The following FRMD4B variants were observed in gnomAD, a reference collection of about 807,000 sequenced individuals.
FRMD4B encodes FERM domain containing 4B.
FRMD4B carries 74 observed loss-of-function variants against 141.5 expected under a neutral mutation model. The ratio of observed to expected loss-of-function variants is 0.52; its 90% CI spans 0.43 to 0.63. The LOEUF (loss-of-function observed/expected upper bound fraction) is 0.63, where lower values mean the gene tolerates loss of function less well. Among genes scored for constraint, FRMD4B ranks in the 30% least tolerant of loss-of-function variants. FRMD4B has a pLI of 0.00. For missense variants in FRMD4B, 1,366 were observed against 1,253.4 expected, an observed-to-expected ratio of 1.09 and a Z score of -1.36; for synonymous variants, 506 against 467.9, an observed-to-expected ratio of 1.08 and a Z score of -1.05.
At position 69,268,746 on chromosome 3, in the gene FRMD4B, G is replaced by A. The variant is rs144449174; in HGVS notation, c.502-18647C>T. ...CCTGGTAAAGTAGGTATCCTATCTG[G>A]CTGTTTTGCATGAATAAATATGCAG... On this transcript the variant is annotated intron_variant, in intron 5 of 22. Transcript: ENST00000398540. Among the ~76,000 whole-genome samples the A allele has an allele frequency of 3.9e-3, 597 of 151,894 alleles. 14 individuals carry two copies. Among genetic ancestry groups the A allele is most frequent in the African/African-American group, 0.014 (577 of 41,234 alleles).
intron 2 of FRMD4B, among the ~76,000 whole-genome samples, chr3:69,415,342 A>G (rs1257562501): frequency 6.6e-6 from 1 of 152,182 alleles, no homozygotes; most frequent in Non-Finnish European, 1.5e-5. Flanking sequence ...ACAAGATACT[A>G]TGGATTGGGG....
At chr3:69,248,459 G>A (rs2093439884) in intron 7 of FRMD4B, among the ~76,000 whole-genome samples, 2 of 152,190 alleles carry the variant, frequency 1.3e-5, no homozygotes, top group Non-Finnish European at 2.9e-5. Context: ...TTGTTAGTCC[G>A]TTAAGGGGCA....
At chr3:69,356,878 G>A (rs990672794) in intron 1 of FRMD4B, among the ~76,000 whole-genome samples, 1 of 152,072 alleles carries the variant, frequency 6.6e-6, no homozygotes, top group African/African-American at 2.4e-5. Context: ...CATTGAACCT[G>A]AAGTCATTCC....
intron 5 of FRMD4B, among the ~76,000 whole-genome samples, chr3:69,267,169 C>T (rs2093566259): frequency 6.6e-6 from 1 of 152,194 alleles, no homozygotes; most frequent in Non-Finnish European, 1.5e-5. Context: ...TCATGTCCAA[C>T]ATGACATGTG....
chr3:69,385,849 G>A lies in FRMD4B; in HGVS notation c.141C>T (p.Cys47=). The change falls in exon 1 of 23, where the codon TGC becomes TGT. Residue 47 remains cysteine (C), a synonymous_variant. Transcript: ENST00000398540. ...TCACCTGGTACACGTCCTGCAGCCCGCACCACGTCCGCAGCACCTGGTGGC... is the reference window on the plus strand; with the variant it reads ...TCACCTGGTACACGTCCTGCAGCCCACACCACGTCCGCAGCACCTGGTGGC... The part of the protein sequence containing the change: ...RACHQVLRTW[C]GLQDVYQMTE... 2 of 1,592,148 alleles carry A rather than the reference G, an allele frequency of 1.3e-6. No homozygotes were observed. The highest frequency in any genetic ancestry group is 1.2e-5 in the South Asian group (1 of 86,826).
At chr3:69,527,384 T>G (rs764661539) in intron 1 of FRMD4B, among the ~76,000 whole-genome samples, 1 of 152,016 alleles carries the variant, frequency 6.6e-6, no homozygotes, top group African/African-American at 2.4e-5. Context: ...TCTTGGTGAG[T>G]GAGTGGAGGT....
intron 1 of FRMD4B, among the ~76,000 whole-genome samples, chr3:69,499,635 G>C (rs984802422): frequency 3.0e-4 from 46 of 152,160 alleles, no homozygotes; most frequent in African/African-American, 1.1e-3. Context: ...GTTCTGGTGA[G>C]GAATTCTCTC....
chr3:69,233,015 G>A (rs1404017854), intron 7 of FRMD4B, among the ~76,000 whole-genome samples: 3 of 149,158 alleles, frequency 2.0e-5, no homozygotes, highest in African/African-American at 7.4e-5. Flanking sequence ...GCTTCTCAAA[G>A]TACTGGGATT....
At chr3:69,451,495 C>A (rs1369441329) in intron 1 of FRMD4B, among the ~76,000 whole-genome samples, 2 of 152,138 alleles carry the variant, frequency 1.3e-5, no homozygotes, top group Admixed American at 6.5e-5. Flanking sequence ...ATGGTGCTGT[C>A]CTCCCTGGTC....
intron 2 of FRMD4B, among the ~76,000 whole-genome samples, chr3:69,394,100 A>C (rs1704434673): frequency 6.6e-6 from 1 of 152,242 alleles, no homozygotes; most frequent in African/African-American, 2.4e-5. Context: ...GGCCTAAACA[A>C]CAGAAATTTA....
intron 1 of FRMD4B, among the ~76,000 whole-genome samples, chr3:69,540,829 G>A (rs1701171662): frequency 6.6e-6 from 1 of 151,430 alleles, no homozygotes; most frequent in South Asian, 2.1e-4. Flanking sequence ...ATTACTGGTG[G>A]GACTTCCGGT....
At position 69,437,635 on chromosome 3, in the gene FRMD4B, CTA is replaced by C. The variant is rs935293885; in HGVS notation, c.-128-4876_-128-4875del. Among the ~76,000 whole-genome samples the C allele has an allele frequency of 1.2e-4, 16 of 132,110 alleles. 1 individual carries two copies. Among genetic ancestry groups the C allele is most frequent in the South Asian group, 4.6e-4 (2 of 4,380 alleles). 86.7% of individuals were successfully genotyped at this position (132,110 alleles called of 152,430 possible). ...TATATATACTATATAAATATATATACTATATATATACAGAGAAAGTTTGTATA... is the reference window on the plus strand; with the variant it reads ...TATATATACTATATAAATATATATACTATATATACAGAGAAAGTTTGTATA... On this transcript the variant is annotated intron_variant, in intron 1 of 5. Transcript: ENST00000459638.
chr3:69,534,343 A>C (rs1019483161), intron 1 of FRMD4B, among the ~76,000 whole-genome samples: 1 of 152,102 alleles, frequency 6.6e-6, no homozygotes, highest in African/African-American at 2.4e-5. Context: ...GTCTAGGTGA[A>C]TTTTTTTTCT....
At chr3:69,191,134 T>A (rs1030173206) in intron 17 of FRMD4B, among the ~76,000 whole-genome samples, 1 of 152,190 alleles carries the variant, frequency 6.6e-6, no homozygotes, top group Admixed American at 6.5e-5. Context: ...TGTTAAATAA[T>A]GTGGCCAGGC....
At chr3:69,229,027 T>TG (rs1453247666) in intron 7 of FRMD4B, among the ~76,000 whole-genome samples, 44 of 149,942 alleles carry the variant, frequency 2.9e-4, no homozygotes, top group South Asian at 2.1e-4. Context: ...TTTTTTTTTT[T>TG]TTTTTGTTTT....
chr3:69,540,636 A>AATATATATATATAT (rs1553652110), intron 1 of FRMD4B, among the ~76,000 whole-genome samples: 1 of 69,540 alleles, frequency 1.4e-5, no homozygotes. Context: ...AAAAAAAAAA[A>AATATATATATATAT]ATATATATAT....
intron 1 of FRMD4B, among the ~76,000 whole-genome samples, chr3:69,502,119 T>C (rs1432028030): frequency 6.6e-6 from 1 of 152,138 alleles, no homozygotes; most frequent in Non-Finnish European, 1.5e-5. Context: ...AGGTAATTTA[T>C]AGATTCAATG....
In FRMD4B at chr3:69,531,345, C is replaced by A. The variant is rs146189792; in HGVS notation, c.-129+10861G>T. ...GCACAGAACAAAAAGCAATCTTTAT[C>A]ATGATAACCCCAAGTCAAGAAAAGA... On this transcript the variant is annotated intron_variant, in intron 1 of 5. Coordinates refer to the FRMD4B transcript ENST00000459638. Among the ~76,000 whole-genome samples, 9 of 152,074 alleles carry A rather than the reference C, an allele frequency of 5.9e-5. No homozygotes were observed. In the East Asian group the frequency reaches 1.7e-3, roughly 29 times the overall value.
rs1042270995 is a variant in FRMD4B, at chr3:69,272,496, AC to A, written c.501+15255del. Among the ~76,000 whole-genome samples, 123 of 152,338 alleles carry A rather than the reference AC, an allele frequency of 8.1e-4. 1 individual carries two copies. Among genetic ancestry groups the A allele is most frequent in the African/African-American group, 2.7e-3 (112 of 41,586 alleles). On this transcript the variant is annotated intron_variant, in intron 5 of 22. Transcript: ENST00000398540. ...CTTAATACAGAATTTACAGCTTACA[AC>A]ATTCGATTTCTGTTACTAATCCTTT...
Sources: gnomAD v4.1 joint callset for allele counts (sites outside exome capture counted in the v4.1 genomes callset) on GRCh38, gnomAD v4.1.1 for gene constraint, MANE v1.5 for transcripts, NCBI Gene and HGNC (gene_info 2026-07-23, HGNC 2026-07-21) for gene names.